H4C15: variants seen among roughly 807,000 people sequenced by gnomAD.
The protein encoded by H4C15 is histone H4.
chr1:149,847,422 T>G, the H4C15 span: 1 of 152,362 alleles, frequency 6.6e-6, no homozygotes, highest in Admixed American at 6.5e-5. Context: ...GAATTTTGCC[T>G]TCTTTGGAAA....
the H4C15 span, chr1:149,847,781 G>C: frequency 6.6e-6 from 1 of 152,200 alleles, no homozygotes; most frequent in Non-Finnish European, 1.5e-5. Context: ...CTCCAGCCTG[G>C]GCAACAAGAG....
chr1:149,858,839 C>G (rs1191346837), downstream of H4C15, among the ~76,000 whole-genome samples: 15 of 29,840 alleles, frequency 5.0e-4, no homozygotes, highest in South Asian at 0.02. Context: ...AGATTTTATC[C>G]GAGGTGATCA....
downstream of H4C15, chr1:149,850,067 C>T (rs1390168335): frequency 2.2e-5 from 9 of 411,624 alleles, no homozygotes; most frequent in African/African-American, 1.6e-4. Context: ...GGGTACGTAA[C>T]CAGGCCAAAG....
the H4C15 span, chr1:149,845,495 A>C: frequency 6.6e-6 from 1 of 152,252 alleles, no homozygotes; most frequent in African/African-American, 2.4e-5. Flanking sequence ...TAGTTGTAGG[A>C]TATCTTGAGG....
downstream of H4C15, among the ~76,000 whole-genome samples, chr1:149,849,847 C>G (rs1255793095): frequency 6.6e-6 from 1 of 152,176 alleles, no homozygotes; most frequent in Non-Finnish European, 1.5e-5. Context: ...ATATAAAAAC[C>G]TCAGGTTTCT....
At chr1:149,850,665 T>C (rs1553757700), downstream of H4C15, 3 of 433,524 alleles carry the variant, frequency 6.9e-6, no homozygotes, top group South Asian at 6.6e-5. Context: ...ATGGAGTAGC[T>C]CTCCTTGCGG....
chr1:149,850,467 A>G (rs2092172469), downstream of H4C15: 3 of 968,374 alleles, frequency 3.1e-6, no homozygotes, highest in South Asian at 2.8e-5. Context: ...CTCGCCGGGC[A>G]GCAGCAGGCG....
At chr1:149,850,706 T>G (rs1362105620), downstream of H4C15, 2 of 323,628 alleles carry the variant, frequency 6.2e-6, no homozygotes, top group East Asian at 1.1e-4. Context: ...GTCTTTCTTC[T>G]GGGCTTTGGT....
At chr1:149,850,376 C>G (rs1553757627), downstream of H4C15, 3 of 723,548 alleles carry the variant, frequency 4.1e-6, no homozygotes, top group Non-Finnish European at 2.5e-6. Context: ...CGAGCGAGCG[C>G]CAGGTCCCGG....
At chr1:149,844,851 T>A in the H4C15 span, 1 of 152,062 alleles carries the variant, frequency 6.6e-6, no homozygotes. Context: ...CAGGAAACAT[T>A]TTCCTGCTTT....
downstream of H4C15, among the ~76,000 whole-genome samples, chr1:149,849,939 T>G (rs1228414911): frequency 6.6e-6 from 1 of 152,226 alleles, no homozygotes; most frequent in Non-Finnish European, 1.5e-5. Context: ...CTACCTTCAT[T>G]TTACCACTGA....
At chr1:149,850,315 G>C, downstream of H4C15, 1 of 1,318,428 alleles carries the variant, frequency 7.6e-7, no homozygotes, top group Non-Finnish European at 1.1e-6. Context: ...CCTGAAAAGA[G>C]CCTTTGGAGA....
downstream of H4C15, chr1:149,850,431 C>T (rs1448714763): frequency 3.4e-6 from 4 of 1,183,166 alleles, no homozygotes; most frequent in Non-Finnish European, 3.7e-6. Context: ...CGCCTTGGTG[C>T]CCTCGGACAC....
downstream of H4C15, among the ~76,000 whole-genome samples, chr1:149,849,236 TG>T (rs1553757406): frequency 6.6e-6 from 1 of 152,240 alleles, no homozygotes; most frequent in African/African-American, 2.4e-5. Context: ...ATTTATCCGT[TG>T]TTTTTCACAC....
At chr1:149,849,100 C>T (rs1553757396), downstream of H4C15, 1 of 152,224 alleles carries the variant, frequency 6.6e-6, no homozygotes, top group African/African-American at 2.4e-5. Context: ...TACACAGTTG[C>T]TCAAGCCAAA....
chr1:149,845,875 AAG>A, the H4C15 span: 2 of 152,208 alleles, frequency 1.3e-5, no homozygotes, highest in Non-Finnish European at 2.9e-5. Flanking sequence ...AGCACTTGAA[AAG>A]AGCTGCTATT....
At chr1:149,850,519 G>A (rs782512928), downstream of H4C15, 26 of 822,272 alleles carry the variant, frequency 3.2e-5, no homozygotes, top group Middle Eastern at 6.8e-4. Flanking sequence ...TGGAGCGCTT[G>A]TTGTAGTGCG....
chr1:149,855,069 CAGAA>C (rs1426757865), downstream of H4C15, among the ~76,000 whole-genome samples: 199 of 17,208 alleles, frequency 0.012, 4 homozygotes, highest in African/African-American at 0.038. Flanking sequence ...AAAAAAAAGA[CAGAA>C]AGAAAAATGA....
chr1:149,848,963 A>C, the H4C15 span: 2 of 152,154 alleles, frequency 1.3e-5, no homozygotes, highest in Non-Finnish European at 2.9e-5. Flanking sequence ...CATCTCTCAA[A>C]CTGTCAACTG....
Sources: allele counts gnomAD v4.1 joint callset (sites outside exome capture counted in the v4.1 genomes callset), GRCh38; gene constraint gnomAD v4.1.1; transcripts MANE v1.5; gene names NCBI Gene and HGNC (gene_info 2026-07-23, HGNC 2026-07-21).